BRCA1: variants seen among roughly 807,000 people sequenced by gnomAD.
The protein encoded by BRCA1 is breast cancer type 1 susceptibility protein.
BRCA1 carries 140 observed loss-of-function variants against 173.7 expected under a neutral mutation model. That is an observed-to-expected ratio of 0.81 (90% CI 0.70 to 0.93). The LOEUF is 0.93. BRCA1 is among the 40% of genes least tolerant of loss of function. BRCA1 has a pLI of 0.00. For synonymous variants in BRCA1, 662 were observed against 756.0 expected, an observed-to-expected ratio of 0.88 and a Z score of 2.04; for missense variants, 1,983 against 2,172.5, an observed-to-expected ratio of 0.91 and a Z score of 1.73.
At position 43,071,323 on chromosome 17, in the gene BRCA1, C is replaced by T. The variant is rs1189450557; in HGVS notation, c.4676-85G>A. 12 of 1,486,880 alleles carry T rather than the reference C, an allele frequency of 8.1e-6. No individual in the cohort carries two copies. In the East Asian group the frequency reaches 2.5e-4, roughly 31 times the overall value. 92.1% of individuals were successfully genotyped at this position (1,486,880 alleles called of 1,614,324 possible). A position where few individuals can be genotyped will look rare whatever the true frequency, so the allele number is the denominator to read the frequency against. On this transcript the variant is annotated intron_variant, in intron 14 of 22. Transcript: ENST00000357654. The stretch of plus-strand genomic sequence containing the variant: ...GGTCTCTGTTAAGAATTAAAAAGAC[C>T]AATAAAGTTAGGTTAAGAGAAAAAT...
At chr17:43,089,178 G>A (rs956067034) in intron 11 of BRCA1, among the ~76,000 whole-genome samples, 10 of 152,082 alleles carry the variant, frequency 6.6e-5, no homozygotes, top group African/African-American at 2.4e-4. Context: ...TGAGCTGGGT[G>A]TGGTGGCAGT....
At position 43,065,180 on chromosome 17, in the gene BRCA1, TA is replaced by T. The variant is rs2052011404; in HGVS notation, c.5075-1230del. ...TGCAAACCTATAGCTTAAGGTATCT[TA>T]AACTTTAATGACATTTTTCTCTAAA... On this transcript the variant is annotated intron_variant, in intron 16 of 22. Coordinates refer to ENST00000357654, the MANE Select transcript of BRCA1 (RefSeq NM_007294.4). Among the ~76,000 whole-genome samples the T allele has an allele frequency of 3.3e-5, 5 of 152,306 alleles. No individual in the cohort carries two copies. In the East Asian group the frequency reaches 7.7e-4, roughly 23 times the overall value.
At chr17:43,064,050 G>T in intron 16 of BRCA1, 99 bp from the exon 17 acceptor site, 2 of 927,274 alleles carry the variant, frequency 2.2e-6, no homozygotes, top group Non-Finnish European at 3.5e-6. Context: ...ACACTCCCAA[G>T]ATCAATCTGG....
chr17:43,151,553 A>G (rs191871913), intron 1 of BRCA1, among the ~76,000 whole-genome samples: 3 of 152,354 alleles, frequency 2.0e-5, no homozygotes, highest in Non-Finnish European at 2.9e-5. Context: ...TGTTCCTATT[A>G]TAAATACATC....
intron 2 of BRCA1, among the ~76,000 whole-genome samples, chr17:43,122,634 G>A (rs2055628855): frequency 6.6e-6 from 1 of 152,142 alleles, no homozygotes; most frequent in Admixed American, 6.6e-5. Context: ...ATGGCTGGGT[G>A]CAATGGCTCA....
intron 1 of BRCA1, among the ~76,000 whole-genome samples, chr17:43,169,171 C>T (rs1190654606): frequency 1.3e-5 from 2 of 152,060 alleles, no homozygotes; most frequent in Non-Finnish European, 2.9e-5. Flanking sequence ...ATATACCAGC[C>T]GGTGTTTATT....
intron 1 of BRCA1, chr17:43,138,751 A>G (rs2056049308): frequency 1.3e-6 from 1 of 779,124 alleles, no homozygotes; most frequent in Non-Finnish European, 2.4e-6. Flanking sequence ...TGTGGAAAGG[A>G]GGTAGAAGTC....
rs566843392 is a variant in BRCA1 at position 43,100,667 on chromosome 17, T to C, written c.442-787A>G. ...ATAACATATATATAACATATATATA[T>C]ATATATATATAATATATATATATAT... is the stretch of plus-strand genomic sequence containing the variant. On this transcript the variant is annotated intron_variant, in intron 6 of 22. Transcript: ENST00000357654. Among the ~76,000 whole-genome samples the C allele has an allele frequency of 1.2e-3, 41 of 34,216 alleles. 1 individual carries two copies. The highest frequency in any genetic ancestry group is 5.3e-3 in the South Asian group (5 of 944). 22.4% of individuals were successfully genotyped at this position (34,216 alleles called of 152,430 possible). A position where few individuals can be genotyped will look rare whatever the true frequency, so the allele number is the denominator to read the frequency against.
intron 1 of BRCA1, chr17:43,166,641 A>G (rs375720764): frequency 4.6e-5 from 7 of 152,308 alleles, no homozygotes; most frequent in African/African-American, 1.4e-4. Flanking sequence ...CACACCACAA[A>G]CACACCACAA....
intron 3 of BRCA1, among the ~76,000 whole-genome samples, chr17:43,108,086 T>G (rs2054872371): frequency 6.6e-6 from 1 of 152,176 alleles, no homozygotes; most frequent in Non-Finnish European, 1.5e-5. Flanking sequence ...GGTCCACACC[T>G]GTAATCCCAG....
In BRCA1 at chr17:43,104,880, T is replaced by C. The variant is rs1404795980; in HGVS notation, c.289A>G (p.Thr97Ala). 1 of 1,613,680 alleles carries C rather than the reference T, an allele frequency of 6.2e-7. No homozygotes were observed. Among genetic ancestry groups the C allele is most frequent in the Non-Finnish European group, 8.5e-7 (1 of 1,179,816 alleles). The change falls in exon 5 of 23, where the codon ACA becomes GCA. Residue 97 changes from threonine to alanine, a missense_variant. Coordinates refer to ENST00000357654, the MANE Select transcript of BRCA1 (RefSeq NM_007294.4). ...ATTCAACACTTACACTCCAAACCTG[T>C]GTCAAGCTGAAAAGCACAAATGATT... Reference protein sequence around the residue: ...LKIICAFQLDTGLEYANSYNF... With the variant: ...LKIICAFQLDAGLEYANSYNF...
intron 1 of BRCA1, among the ~76,000 whole-genome samples, chr17:43,168,428 G>A (rs369034726): frequency 1.3e-5 from 2 of 152,146 alleles, no homozygotes; most frequent in Non-Finnish European, 1.5e-5. Flanking sequence ...ACCTGAGGTC[G>A]GGAGTTCAAG....
At chr17:43,076,407 T>C in intron 13 of BRCA1, 81 bp downstream of exon 13, 1 of 1,546,042 alleles carries the variant, frequency 6.5e-7, no homozygotes, top group Non-Finnish European at 8.9e-7. Context: ...GGAGAAAGTA[T>C]GGTGAAAAAA....
In BRCA1 at chr17:43,093,494, C is replaced by T. The variant is rs572835027; in HGVS notation, c.2037G>A (p.Lys679=). 1.2e-6 allele frequency: 2 copies of T among 1,614,090 alleles called. No individual in the cohort carries two copies. The highest frequency in any genetic ancestry group is 4.5e-5 in the East Asian group (2 of 44,882). ...TCTGTTCATTTGGCTTGTTACTCTT[C>T]TTGGCTCCAGTTGCAGGTTCTTTAC... ...MEGKEPATGA[K]KSNKPNEQTS... Residue 679 remains lysine, a synonymous_variant, in exon 10 of 23, where the codon AAG becomes AAA. Coordinates refer to ENST00000357654, the MANE Select transcript of BRCA1 (RefSeq NM_007294.4).
At chr17:43,053,023 C>T (rs1474211873) in intron 19 of BRCA1, among the ~76,000 whole-genome samples, 4 of 151,844 alleles carry the variant, frequency 2.6e-5, no homozygotes, top group Non-Finnish European at 5.9e-5. Flanking sequence ...ATTACAGGTG[C>T]ACACCACCAC....
chr17:43,104,057 C>G (rs1409351516), intron 6 of BRCA1, 65 bp downstream of exon 6: 2 of 1,123,304 alleles, frequency 1.8e-6, no homozygotes, highest in East Asian at 5.9e-5. Context: ...GACTCCATCT[C>G]AAAAAAAAAA....
chr17:43,059,101 T>C (rs2051634052), intron 18 of BRCA1, among the ~76,000 whole-genome samples: 1 of 152,210 alleles, frequency 6.6e-6, no homozygotes, highest in Non-Finnish European at 1.5e-5. Flanking sequence ...CTTGTACCCC[T>C]GAGCTTCATA....
chr17:43,093,285 T>C lies in BRCA1; in HGVS notation c.2246A>G (p.Asp749Gly), dbSNP rs730881479. The change falls in exon 10 of 23, where the codon GAT (aspartate) becomes GGT (glycine). Residue 749 changes from aspartate (D) to glycine (G), a missense_variant. Physicochemically the swap from Asp to Gly is moderately conservative, Grantham distance 94. Coordinates refer to ENST00000357654, the MANE Select transcript of BRCA1 (RefSeq NM_007294.4). ...KVSNNAEDPKDLMLSGERVLQ... is the reference protein window; with the variant it reads ...KVSNNAEDPKGLMLSGERVLQ... ...AACCCTTTCTCCACTTAACATGAGA[T>C]CTTTGGGGTCTTCAGCATTATTAGA... The C allele has an allele frequency of 6.2e-7, 1 of 1,614,088 alleles. No individual in the cohort carries two copies. Among genetic ancestry groups the C allele is most frequent in the Non-Finnish European group, 8.5e-7 (1 of 1,179,990 alleles).
intron 2 of BRCA1, among the ~76,000 whole-genome samples, chr17:43,118,579 G>GC (rs1490755096): frequency 4.6e-5 from 7 of 151,824 alleles, no homozygotes; most frequent in East Asian, 3.9e-4. Context: ...GAGCCACCAT[G>GC]CCAGCCATCT....
Sources: allele counts gnomAD v4.1 joint callset (sites outside exome capture counted in the v4.1 genomes callset), GRCh38; gene constraint gnomAD v4.1.1; transcripts MANE v1.5; gene names NCBI Gene and HGNC (gene_info 2026-07-23, HGNC 2026-07-21).